CLCA2: variants seen among roughly 807,000 people sequenced by gnomAD.
CLCA2 encodes chloride channel accessory 2.
CLCA2 carries 85 observed loss-of-function variants against 82.9 expected under a neutral mutation model. The ratio of observed to expected loss-of-function variants is 1.03; its 90% CI spans 0.86 to 1.23. CLCA2 has a LOEUF of 1.23. CLCA2 is among the 50% of genes most tolerant of loss of function. CLCA2 has a pLI of 0.00. For synonymous variants in CLCA2, 421 were observed against 391.7 expected, an observed-to-expected ratio of 1.07 and a Z score of -0.88; for missense variants, 1,089 against 1,124.8, an observed-to-expected ratio of 0.97 and a Z score of 0.45.
intron 6 of CLCA2, 91 bp downstream of exon 6, chr1:86,434,836 T>G (rs1341176089): frequency 4.7e-6 from 5 of 1,059,842 alleles, no homozygotes; most frequent in Non-Finnish European, 7.0e-6. Flanking sequence ...CTGGGGTACA[T>G]GTGCAGGACG....
chr1:86,454,196 A>G (rs1259900358), intron 13 of CLCA2, among the ~76,000 whole-genome samples: 2 of 152,070 alleles, frequency 1.3e-5, no homozygotes, highest in Non-Finnish European at 2.9e-5. Context: ...TTTTTTACCC[A>G]ATTTCCACAA....
Position 86,453,440 on chromosome 1 carries a change from C to T in CLCA2, c.2227C>T (p.Arg743Ter), listed in dbSNP as rs371557585. 2.3e-5 allele frequency: 37 copies of T among 1,613,952 alleles called. No homozygotes were observed. In the African/African-American group the frequency reaches 3.3e-4, roughly 15 times the overall value. The part of the protein sequence containing the change: ...NEEERKWGFS[R>*]VSSGGSFSVL... ...GGAGGAGCGAAAGTGGGGCTTTAGC[C>T]GAGTCAGCTCAGGAGGCTCCTTTTC... Residue 743 changes from arginine (R) to a stop codon, truncating the protein, a stop_gained, in exon 13 of 14, where the codon CGA becomes TGA. Transcript: ENST00000370565. LOFTEE classifies it high-confidence loss of function.
intron 7 of CLCA2, among the ~76,000 whole-genome samples, 195 bp downstream of exon 7, chr1:86,439,301 T>A (rs1347035849): frequency 6.6e-6 from 1 of 152,216 alleles, no homozygotes; most frequent in African/African-American, 2.4e-5. Flanking sequence ...CCTAGCAAAG[T>A]ACATAGCATA....
Position 86,453,511 on chromosome 1 carries a change from A to T in CLCA2, c.2298A>T (p.Pro766=). 4 of 1,614,186 alleles carry T rather than the reference A, an allele frequency of 2.5e-6. No homozygotes were observed. The highest frequency in any genetic ancestry group is 2.5e-6 in the Non-Finnish European group (3 of 1,180,016). Residue 766 remains proline, a synonymous_variant, in exon 13 of 14, where the codon CCA becomes CCT. Transcript: ENST00000370565. ...GCCCCCACCCTGATGTGTTTCCACC[A>T]TGCAAAATTATTGACCTGGAAGCTG... ...PAGPHPDVFP[P]CKIIDLEAVK...
At chr1:86,442,975 T>C (rs1478318750) in intron 9 of CLCA2, among the ~76,000 whole-genome samples, 1 of 152,232 alleles carries the variant, frequency 6.6e-6, no homozygotes, top group Non-Finnish European at 1.5e-5. Context: ...GTTTGTACTC[T>C]GTACATGTTA....
chr1:86,425,281 A>C, intron 1 of CLCA2, 58 bp from the exon 2 acceptor site: 1 of 1,357,060 alleles, frequency 7.4e-7, no homozygotes. Flanking sequence ...ATACCAGAAA[A>C]CCAAAACATA....
Position 86,439,160 on chromosome 1 carries a change from T to C in CLCA2, c.1203+54T>C, listed in dbSNP as rs1662674791. 3 of 1,550,030 alleles carry C rather than the reference T, an allele frequency of 1.9e-6. 1 individual carries two copies. The highest frequency in any genetic ancestry group is 2.2e-5 in the South Asian group (2 of 88,892). Reference sequence around the variant, plus strand: ...CACCATCATTTTCCTTTCCCTCTTTTAGTATACGAGGTTTCCTCTGATGAT... The same window carrying C: ...CACCATCATTTTCCTTTCCCTCTTTCAGTATACGAGGTTTCCTCTGATGAT... On this transcript the variant is annotated intron_variant, in intron 7 of 13. Coordinates refer to ENST00000370565, the MANE Select transcript of CLCA2 (RefSeq NM_006536.7).
chr1:86,427,218 A>G (rs1353810316), intron 2 of CLCA2, among the ~76,000 whole-genome samples: 2 of 152,010 alleles, frequency 1.3e-5, no homozygotes, highest in African/African-American at 2.4e-5. Flanking sequence ...GTATAAAGTA[A>G]CCCCAAACAG....
Position 86,424,418 on chromosome 1 carries a change from C to A in CLCA2, c.171C>A (p.Leu57=). Residue 57 remains leucine (L), a synonymous_variant, in exon 1 of 14, where the codon CTC becomes CTA. Coordinates refer to ENST00000370565, the MANE Select transcript of CLCA2 (RefSeq NM_006536.7). ...INPQVPENQN[L]ISNIKEMITE... ...CTCAGGTACCTGAGAATCAGAACCT[C>A]ATCTCAAACATTAAGGTGAGTGGAA... is the stretch of plus-strand genomic sequence containing the variant. The A allele has an allele frequency of 6.2e-7, 1 of 1,610,924 alleles. No individual in the cohort carries two copies. The highest frequency in any genetic ancestry group is 8.5e-7 in the Non-Finnish European group (1 of 1,178,652).
At chr1:86,434,843 G>A (rs980318017) in intron 6 of CLCA2, 98 bp downstream of exon 6, 1 of 999,430 alleles carries the variant, frequency 1.0e-6, no homozygotes, top group African/African-American at 1.6e-5. Flanking sequence ...ACATGTGCAG[G>A]ACGTTCAAGT....
rs748767900 is a variant in CLCA2, at chr1:86,455,109, G to A, written c.2414G>A (p.Ser805Asn). The A allele has an allele frequency of 6.4e-7, 1 of 1,573,112 alleles. No homozygotes were observed. The highest frequency in any genetic ancestry group is 8.6e-7 in the Non-Finnish European group (1 of 1,157,578). ...GCTACAAGCTATGAAATAAGAATGA[G>A]TAAAAGTCTACAGAATATCCAAGAT... ...GQATSYEIRM[S>N]KSLQNIQDDF... Residue 805 changes from serine (S) to asparagine (N), a missense_variant, in exon 14 of 14, where the codon AGT becomes AAT. Physicochemically the swap from Ser to Asn is conservative, Grantham distance 46. Coordinates refer to ENST00000370565, the MANE Select transcript of CLCA2 (RefSeq NM_006536.7).
chr1:86,454,954 A>G (rs1663043779), intron 13 of CLCA2, 131 bp from the exon 14 acceptor site: 1 of 521,510 alleles, frequency 1.9e-6, no homozygotes, highest in African/African-American at 1.9e-5. Context: ...TTTTGCTTGT[A>G]TTCATATTTC....
At chr1:86,430,129 G>A (rs1235164693) in intron 3 of CLCA2, among the ~76,000 whole-genome samples, 1 of 152,160 alleles carries the variant, frequency 6.6e-6, no homozygotes, top group African/African-American at 2.4e-5. Flanking sequence ...TGTGCTTTGG[G>A]AGGGGAGTTC....
Position 86,455,363 on chromosome 1 carries a change from C to T in CLCA2, c.2668C>T (p.Pro890Ser), listed in dbSNP as rs149075828. The T allele has an allele frequency of 7.6e-5, 123 of 1,612,144 alleles. No homozygotes were observed. The East Asian group carries it at 1.6e-3, about 21-fold the overall frequency. ...NIAQAPLFIP[P>S]NSDPVPARDY... ...TGCCCAGGCGCCTCTGTTTATTCCC[C>T]CCAATTCTGATCCTGTACCTGCCAG... Residue 890 changes from proline to serine, a missense_variant, in exon 14 of 14, where the codon CCC becomes TCC. Physicochemically the swap from Pro to Ser is moderately conservative, Grantham distance 74. Coordinates refer to ENST00000370565, the MANE Select transcript of CLCA2 (RefSeq NM_006536.7).
At chr1:86,450,499 T>A (rs1662938987) in intron 11 of CLCA2, 64 bp from the exon 12 acceptor site, 1 of 1,282,340 alleles carries the variant, frequency 7.8e-7, no homozygotes, top group Admixed American at 2.3e-5. Context: ...TCATTTTTAA[T>A]GACTTAAATA....
Position 86,450,689 on chromosome 1 carries a change from T to C in CLCA2, c.2111T>C (p.Ile704Thr). Residue 704 changes from isoleucine (I) to threonine (T), a missense_variant, in exon 12 of 14, where the codon ATT becomes ACT. Physicochemically the swap from Ile to Thr is moderately conservative, Grantham distance 89. Transcript: ENST00000370565. ...SPSISTPAHSIPGSHAMYVPG... is the reference protein window; with the variant it reads ...SPSISTPAHSTPGSHAMYVPG... ...AGCATAAGCACCCCAGCCCACTCTA[T>C]TCCAGGGAGTCATGCTATGTATGTA... The C allele has an allele frequency of 1.9e-6, 3 of 1,613,064 alleles. No individual in the cohort carries two copies. The highest frequency in any genetic ancestry group is 1.1e-5 in the South Asian group (1 of 90,848).
At chr1:86,449,954 G>A (rs1389997805) in intron 11 of CLCA2, among the ~76,000 whole-genome samples, 1 of 152,222 alleles carries the variant, frequency 6.6e-6, no homozygotes. Context: ...CTGAAGCAAG[G>A]CACAGTAGAT....
intron 3 of CLCA2, among the ~76,000 whole-genome samples, chr1:86,430,258 G>T (rs1028337582): frequency 2.6e-5 from 4 of 152,120 alleles, no homozygotes; most frequent in African/African-American, 9.7e-5. Context: ...TGACCTAGGA[G>T]CTGTAAAATA....
At position 86,453,404 on chromosome 1, in the gene CLCA2, G is replaced by C; in HGVS notation, c.2191G>C (p.Gly731Arg). 3 of 1,614,056 alleles carry C rather than the reference G, an allele frequency of 1.9e-6. No individual in the cohort carries two copies. In the African/African-American group the frequency reaches 4.0e-5, roughly 22 times the overall value. ...IQMNAPRKSV[G>R]RNEEERKWGF... ...GATGAATGCTCCAAGGAAATCAGTA[G>C]GCAGAAATGAGGAGGAGCGAAAGTG... The change falls in exon 13 of 14, where the codon GGC (glycine) becomes CGC (arginine). Residue 731 changes from glycine (G) to arginine (R), a missense_variant. Transcript: ENST00000370565.
Sources: allele counts gnomAD v4.1 joint callset (sites outside exome capture counted in the v4.1 genomes callset), GRCh38; gene constraint gnomAD v4.1.1; transcripts MANE v1.5; gene names NCBI Gene and HGNC (gene_info 2026-07-23, HGNC 2026-07-21).